Variants in FGF18 observed in about 807,000 individuals in gnomAD.
FGF18 encodes fibroblast growth factor 18.
In FGF18, 5 loss-of-function variants were observed where a neutral mutation model predicts 23.0. The ratio of observed to expected loss-of-function variants is 0.22; its 90% CI spans 0.11 to 0.46. The LOEUF is 0.46. Among genes scored for constraint, FGF18 ranks in the 20% least tolerant of loss-of-function variants. The pLI is 0.99. For missense variants in FGF18, 180 were observed against 291.6 expected, an observed-to-expected ratio of 0.62 and a Z score of 2.79; for synonymous variants, 117 against 118.9, an observed-to-expected ratio of 0.98 and a Z score of 0.10.
intron 2 of FGF18, among the ~76,000 whole-genome samples, chr5:171,430,135 G>C (rs1047204911): frequency 6.6e-6 from 1 of 151,868 alleles, no homozygotes; most frequent in African/African-American, 2.4e-5. Context: ...GAGGCGGGTG[G>C]ATCATGAGGT....
At chr5:171,441,310 CACTT>C (rs1772340621) in intron 3 of FGF18, among the ~76,000 whole-genome samples, 1 of 152,188 alleles carries the variant, frequency 6.6e-6, no homozygotes, top group Non-Finnish European at 1.5e-5. Context: ...GTGCTCATCT[CACTT>C]AGAGTAAAAC....
intron 4 of FGF18, among the ~76,000 whole-genome samples, chr5:171,450,262 C>T (rs905638468): frequency 6.6e-6 from 1 of 152,102 alleles, no homozygotes; most frequent in African/African-American, 2.4e-5. Context: ...TTTGAATCCC[C>T]CAAGTCTTAT....
intron 4 of FGF18, among the ~76,000 whole-genome samples, chr5:171,454,986 G>A (rs1772561930): frequency 6.6e-6 from 1 of 152,238 alleles, no homozygotes; most frequent in Non-Finnish European, 1.5e-5. Context: ...CTGCCGTTCA[G>A]GAATAATCTA....
At chr5:171,429,527 T>C (rs1439073549) in intron 2 of FGF18, among the ~76,000 whole-genome samples, 2 of 152,230 alleles carry the variant, frequency 1.3e-5, no homozygotes, top group Non-Finnish European at 2.9e-5. Context: ...GAACCCCCAC[T>C]GGAGAGGAGT....
At chr5:171,430,008 A>G (rs1772152874) in intron 2 of FGF18, among the ~76,000 whole-genome samples, 1 of 152,246 alleles carries the variant, frequency 6.6e-6, no homozygotes, top group South Asian at 2.1e-4. Flanking sequence ...TCTGTGACAT[A>G]GAACAAGTGA....
chr5:171,454,461 A>G (rs1389546496), intron 4 of FGF18, among the ~76,000 whole-genome samples: 1 of 152,184 alleles, frequency 6.6e-6, no homozygotes, highest in African/African-American at 2.4e-5. Flanking sequence ...CTTTCCTCAC[A>G]GTAGACCTTC....
intron 3 of FGF18, among the ~76,000 whole-genome samples, chr5:171,445,612 C>A (rs994165341): frequency 6.6e-6 from 1 of 151,156 alleles, no homozygotes; most frequent in Middle Eastern, 3.2e-3. Context: ...GTGATCCACC[C>A]GCCTTGGCCT....
chr5:171,455,225 G>A (rs1292453259), intron 4 of FGF18, among the ~76,000 whole-genome samples: 4 of 152,168 alleles, frequency 2.6e-5, no homozygotes, highest in Non-Finnish European at 5.9e-5. Context: ...TTCACACATC[G>A]GCCCAGGAGC....
At chr5:171,439,582 A>G (rs1772305393) in intron 3 of FGF18, among the ~76,000 whole-genome samples, 1 of 152,346 alleles carries the variant, frequency 6.6e-6, no homozygotes, top group South Asian at 2.1e-4. Context: ...TTCCAGCTGC[A>G]GCTCTGCCAG....
chr5:171,449,650 G>A (rs1772469064), intron 4 of FGF18, among the ~76,000 whole-genome samples: 1 of 152,094 alleles, frequency 6.6e-6, no homozygotes, highest in Non-Finnish European at 1.5e-5. Context: ...GCAGGCCAAG[G>A]GCTGTGGCTG....
rs2113371261 is a variant in FGF18, at chr5:171,457,050, GTC to G, written c.*253_*254del. ...GACTGTAGTCAACCCACAGGTGCTT[GTC>G]TCTCTCTAGGAACAGACAACTCTAA... is the stretch of plus-strand genomic sequence containing the variant. On this transcript the variant is annotated 3_prime_UTR_variant, in exon 5 of 5. Coordinates refer to ENST00000274625, the MANE Select transcript of FGF18 (RefSeq NM_003862.3). 5.9e-6 allele frequency: 3 copies of G among 504,334 alleles called. No individual in the cohort carries two copies. In the East Asian group the frequency reaches 1.1e-4, roughly 18 times the overall value. 31.2% of individuals were successfully genotyped at this position (504,334 alleles called of 1,614,324 possible).
At chr5:171,424,783 G>T (rs1275449239) in intron 2 of FGF18, among the ~76,000 whole-genome samples, 2 of 151,356 alleles carry the variant, frequency 1.3e-5, no homozygotes, top group South Asian at 4.2e-4. Flanking sequence ...GAGTTAGAGG[G>T]GGGTACTTGG....
rs538804375 is a variant in FGF18 at position 171,435,834 on chromosome 5, G to A, written c.70-259G>A. On this transcript the variant is annotated intron_variant, in intron 2 of 4. Coordinates refer to ENST00000274625, the MANE Select transcript of FGF18 (RefSeq NM_003862.3). ...CTGTGGTGGAAAGAGAAGCTTTGTTGTCGCATAGACCTAGGCCTGATTCTT... is the reference window on the plus strand; with the variant it reads ...CTGTGGTGGAAAGAGAAGCTTTGTTATCGCATAGACCTAGGCCTGATTCTT... Among the ~76,000 whole-genome samples the A allele has an allele frequency of 2.0e-5, 3 of 152,280 alleles. No homozygotes were observed. In the East Asian group the frequency reaches 5.8e-4, roughly 29 times the overall value.
intron 3 of FGF18, among the ~76,000 whole-genome samples, chr5:171,441,056 G>A (rs111961365): frequency 3.7e-4 from 57 of 152,314 alleles, no homozygotes; most frequent in Middle Eastern, 3.4e-3. Flanking sequence ...AAGTGTAACC[G>A]GGGGCTGCCG....
intron 2 of FGF18, among the ~76,000 whole-genome samples, chr5:171,424,913 C>A (rs1397072315): frequency 2.0e-5 from 3 of 152,164 alleles, no homozygotes; most frequent in African/African-American, 7.2e-5. Flanking sequence ...TTGGGAGTGT[C>A]ACCCGCTCTG....
At chr5:171,444,896 T>C (rs575454494) in intron 3 of FGF18, among the ~76,000 whole-genome samples, 1 of 152,116 alleles carries the variant, frequency 6.6e-6, no homozygotes, top group Non-Finnish European at 1.5e-5. Context: ...GAAGTCAGAG[T>C]GGTGATAAGA....
rs149959095 is a variant in FGF18, at chr5:171,428,814, A to G, written c.70-7279A>G. Among the ~76,000 whole-genome samples, 175 of 152,302 alleles carry G rather than the reference A, an allele frequency of 1.1e-3. 4 individuals are homozygous for G. The East Asian group carries it at 0.032, about 28-fold the overall frequency. ...GGATCAGTGGGAAGAGGAAAGGGAGAGAGAGAACAGGCCATGGGTCTTTAC... is the reference window on the plus strand; with the variant it reads ...GGATCAGTGGGAAGAGGAAAGGGAGGGAGAGAACAGGCCATGGGTCTTTAC... On this transcript the variant is annotated intron_variant, in intron 2 of 4. Coordinates refer to ENST00000274625, the MANE Select transcript of FGF18 (RefSeq NM_003862.3).
intron 3 of FGF18, among the ~76,000 whole-genome samples, chr5:171,439,426 C>G (rs1292319279): frequency 6.6e-6 from 1 of 152,132 alleles, no homozygotes; most frequent in Non-Finnish European, 1.5e-5. Context: ...GAATACCTGG[C>G]AGGTGGGAGG....
chr5:171,444,972 G>T (rs974096700), intron 3 of FGF18, among the ~76,000 whole-genome samples: 1 of 152,162 alleles, frequency 6.6e-6, no homozygotes, highest in Admixed American at 6.5e-5. Flanking sequence ...AAAAATAAGA[G>T]TTTCGGAGAA....
Sources: gnomAD v4.1 joint callset for allele counts (sites outside exome capture counted in the v4.1 genomes callset) on GRCh38, gnomAD v4.1.1 for gene constraint, MANE v1.5 for transcripts, NCBI Gene and HGNC (gene_info 2026-07-23, HGNC 2026-07-21) for gene names.